MYO9A: variants seen among roughly 807,000 people sequenced by gnomAD.
MYO9A encodes the protein unconventional myosin-IXa.
In MYO9A, 103 loss-of-function variants were observed where a neutral mutation model predicts 293.3. The ratio of observed to expected loss-of-function variants is 0.35; its 90% CI spans 0.30 to 0.41. MYO9A has a LOEUF of 0.41. MYO9A is among the 10% of genes least tolerant of loss of function. The pLI, the probability that MYO9A is intolerant of heterozygous loss-of-function variation, is 1.00. For synonymous variants in MYO9A, 1,001 were observed against 1,035.7 expected (o/e 0.97, Z 0.64); for missense variants, 2,685 against 3,033.0 (o/e 0.89, Z 2.69).
At chr15:71,995,686 A>G (rs1040148738) in intron 9 of MYO9A, among the ~76,000 whole-genome samples, 2 of 152,088 alleles carry the variant, frequency 1.3e-5, no homozygotes, top group Non-Finnish European at 2.9e-5. Flanking sequence ...AAGCTTGTAT[A>G]TTCAGGTACA....
In MYO9A at chr15:72,027,838, T is replaced by C. The variant is rs772347108; in HGVS notation, c.936-45A>G. 9.8e-6 allele frequency: 13 copies of C among 1,324,824 alleles called. No individual in the cohort carries two copies. In the East Asian group the frequency reaches 2.8e-4, roughly 28 times the overall value. 82.1% of individuals were successfully genotyped at this position (1,324,824 alleles called of 1,614,324 possible). On this transcript the variant is annotated intron_variant, in intron 3 of 41. Coordinates refer to ENST00000356056, the MANE Select transcript of MYO9A (RefSeq NM_006901.4). Reference sequence around the variant, plus strand: ...GGTTGATATAAATAATAAAGTTTAATATAAGGCAGAAAAATATTTGGAGAC... The same window carrying C: ...GGTTGATATAAATAATAAAGTTTAACATAAGGCAGAAAAATATTTGGAGAC...
At chr15:72,023,510 T>C (rs1290119605) in intron 4 of MYO9A, among the ~76,000 whole-genome samples, 1 of 151,864 alleles carries the variant, frequency 6.6e-6, no homozygotes, top group Non-Finnish European at 1.5e-5. Flanking sequence ...CTGGCCAACA[T>C]GGTGAAACCC....
chr15:71,978,245 A>C lies in MYO9A; in HGVS notation c.1770T>G (p.Ile590Met). The change falls in exon 12 of 42, where the codon ATT (isoleucine) becomes ATG (methionine). Residue 590 changes from isoleucine (I) to methionine (M), a missense_variant. Around this residue, in one of 10 missense-constraint regions of MYO9A, gnomAD observed 201 missense variants for 245.2 expected, o/e 0.82. Coordinates refer to ENST00000356056, the MANE Select transcript of MYO9A (RefSeq NM_006901.4). ...EGISWHNIDY[I>M]DNTCCINLIS... is the part of the protein sequence containing the mutation. ...TAAGATTTATGCAGCAGGTATTATC[A>C]ATGTAATCTATGTTGTGCCAGCTGA... is the stretch of plus-strand genomic sequence containing the variant. 6.2e-7 allele frequency: 1 copy of C among 1,612,802 alleles called. No individual in the cohort carries two copies. Among genetic ancestry groups the C allele is most frequent in the Non-Finnish European group, 8.5e-7 (1 of 1,179,226 alleles).
In MYO9A at chr15:72,053,930, T is replaced by C. The variant is rs545233139; in HGVS notation, c.-71-7296A>G. ...ATAGGTAGATCAAATAGAAAACAAA[T>C]AGTAAAGTTTTAAAGCTAAATACAA... On this transcript the variant is annotated intron_variant, in intron 1 of 41. Coordinates refer to ENST00000356056, the MANE Select transcript of MYO9A (RefSeq NM_006901.4). Among the ~76,000 whole-genome samples the C allele has an allele frequency of 5.3e-5, 8 of 152,100 alleles. No individual in the cohort carries two copies. The East Asian group carries it at 1.4e-3, about 26-fold the overall frequency.
In MYO9A at chr15:71,960,013, C is replaced by A; in HGVS notation, c.2070G>T (p.Gly690=). Residue 690 remains glycine (G), a synonymous_variant, in exon 14 of 42, where the codon GGG becomes GGT. Transcript: ENST00000356056. ...CAGCTACAGGATCAATTCCAATCAT[C>A]CCAGAGATAAATGCATTCTTGCTGC... ...LRSSKNAFIS[G]MIGIDPVAVF... is the part of the protein sequence containing the mutation. 2 of 1,614,098 alleles carry A rather than the reference C, an allele frequency of 1.2e-6. No individual in the cohort carries two copies. The highest frequency in any genetic ancestry group is 2.2e-5 in the South Asian group (2 of 91,074).
In MYO9A at chr15:72,096,841, T is replaced by C. The variant is rs80007455; in HGVS notation, c.-72+20839A>G. ...TGTTCCCAAGCCTCATGGATGACTT[T>C]GATGGCTTCAAGACTTCAGTGGAAG... is the stretch of plus-strand genomic sequence containing the variant. On this transcript the variant is annotated intron_variant, in intron 1 of 41. Coordinates refer to ENST00000356056, the MANE Select transcript of MYO9A (RefSeq NM_006901.4). Among the ~76,000 whole-genome samples, 461 of 152,326 alleles carry C rather than the reference T, an allele frequency of 3.0e-3. 3 individuals are homozygous for C. The highest frequency in any genetic ancestry group is 0.014 in the Middle Eastern group (4 of 294).
intron 1 of MYO9A, among the ~76,000 whole-genome samples, chr15:72,066,346 C>T (rs888812485): frequency 1.3e-5 from 2 of 151,908 alleles, no homozygotes; most frequent in South Asian, 2.1e-4. Flanking sequence ...ATTAGCCGGG[C>T]GTGGTGGTGC....
intron 17 of MYO9A, among the ~76,000 whole-genome samples, chr15:71,933,981 A>C (rs1359869914): frequency 6.6e-6 from 1 of 152,164 alleles, no homozygotes. Context: ...GTACATTCTA[A>C]GCCACAGGTT....
At position 71,862,515 on chromosome 15, in the gene MYO9A, C is replaced by T; in HGVS notation, c.6076G>A (p.Ala2026Thr). ...CSSLIWIMDRASVCKLCKYAC... is the reference protein window; with the variant it reads ...CSSLIWIMDRTSVCKLCKYAC... ...TCATACTTACATTTGCAAACAGAGG[C>T]TCGGTCCATTATCCATATCAAAGAA... Residue 2026 changes from alanine (A) to threonine (T), a missense_variant, in exon 33 of 42, where the codon GCC becomes ACC. Ala to Thr is a moderately conservative substitution (Grantham distance 58). Transcript: ENST00000356056. The T allele has an allele frequency of 6.2e-7, 1 of 1,606,484 alleles. No homozygotes were observed.
At chr15:71,935,720 A>G (rs922597106) in intron 16 of MYO9A, among the ~76,000 whole-genome samples, 4 of 152,160 alleles carry the variant, frequency 2.6e-5, no homozygotes, top group Non-Finnish European at 5.9e-5. Flanking sequence ...GTAGATGAGC[A>G]TATCATGTAG....
intron 6 of MYO9A, among the ~76,000 whole-genome samples, chr15:72,017,644 TA>T (rs947242274): frequency 3.9e-5 from 6 of 152,054 alleles, no homozygotes; most frequent in South Asian, 2.1e-4. Flanking sequence ...AAAATTTCTC[TA>T]AAAAAAATTA....
chr15:71,913,379 G>A (rs1196678542), intron 19 of MYO9A, among the ~76,000 whole-genome samples: 1 of 152,078 alleles, frequency 6.6e-6, no homozygotes, highest in Non-Finnish European at 1.5e-5. Flanking sequence ...AACAGGCAGT[G>A]AAAGACAGGA....
intron 38 of MYO9A, among the ~76,000 whole-genome samples, chr15:71,849,684 C>T (rs889700720): frequency 4.0e-5 from 6 of 148,504 alleles, no homozygotes; most frequent in African/African-American, 1.2e-4. Flanking sequence ...TACAGGAATA[C>T]TGAAGTATTA....
At chr15:71,883,392 G>A (rs1412099868) in intron 28 of MYO9A, among the ~76,000 whole-genome samples, 1 of 152,122 alleles carries the variant, frequency 6.6e-6, no homozygotes, top group African/African-American at 2.4e-5. Flanking sequence ...TCATTGTTTT[G>A]TGATGCATTT....
chr15:72,102,265 G>A (rs894065059), intron 1 of MYO9A, among the ~76,000 whole-genome samples: 36 of 150,622 alleles, frequency 2.4e-4, no homozygotes, highest in Non-Finnish European at 4.8e-4. Flanking sequence ...GATGTGCTTT[G>A]TTAAACAGAT....
chr15:72,068,992 G>A (rs1345557241), intron 1 of MYO9A, among the ~76,000 whole-genome samples: 1 of 152,140 alleles, frequency 6.6e-6, no homozygotes, highest in Non-Finnish European at 1.5e-5. Context: ...CTTGTCTAAG[G>A]TTACAGGCCA....
At chr15:71,882,552 G>A (rs1189259451) in intron 28 of MYO9A, among the ~76,000 whole-genome samples, 1 of 152,056 alleles carries the variant, frequency 6.6e-6, no homozygotes, top group African/African-American at 2.4e-5. Context: ...GGGAGGATAG[G>A]TTGAGCCCAG....
At chr15:71,843,891 A>C (rs2055274863) in intron 39 of MYO9A, among the ~76,000 whole-genome samples, 1 of 152,174 alleles carries the variant, frequency 6.6e-6, no homozygotes, top group Non-Finnish European at 1.5e-5. Context: ...GATATAAAGC[A>C]CCAAAATTTA....
At chr15:72,054,777 C>T (rs1459803562) in intron 1 of MYO9A, among the ~76,000 whole-genome samples, 2 of 145,398 alleles carry the variant, frequency 1.4e-5, no homozygotes, top group African/African-American at 2.6e-5. Flanking sequence ...TAAATAAGAT[C>T]AAGCAAGGAA....
Sources: gnomAD v4.1 joint callset for allele counts (sites outside exome capture counted in the v4.1 genomes callset) on GRCh38, gnomAD v4.1.1 for gene constraint, gnomAD v4.1.1 regional missense constraint, MANE v1.5 for transcripts, NCBI Gene and HGNC (gene_info 2026-07-23, HGNC 2026-07-21) for gene names.